The following LRRC7 variants were observed in gnomAD, a reference collection of about 807,000 sequenced individuals.
LRRC7 encodes leucine-rich repeat-containing protein 7.
LRRC7 carries 23 observed loss-of-function variants against 175.7 expected under a neutral mutation model. That is an observed-to-expected ratio of 0.13 (90% confidence interval 0.09 to 0.19). The LOEUF is 0.19. LRRC7 is among the 10% of genes least tolerant of loss of function. The pLI, the probability that LRRC7 is intolerant of heterozygous loss-of-function variation, is 1.00. For missense variants in LRRC7, 1,354 were observed against 1,904.7 expected (o/e 0.71, Z 5.38); for synonymous variants, 685 against 680.9 (o/e 1.01, Z -0.09).
At chr1:70,117,932 C>T (rs1337617617) in intron 26 of LRRC7, among the ~76,000 whole-genome samples, 1 of 152,016 alleles carries the variant, frequency 6.6e-6, no homozygotes, top group Non-Finnish European at 1.5e-5. Context: ...GCATAGTATG[C>T]ATGTATTTAC....
intron 3 of LRRC7, among the ~76,000 whole-genome samples, chr1:69,777,269 G>A (rs946504910): frequency 6.6e-6 from 1 of 152,184 alleles, no homozygotes; most frequent in African/African-American, 2.4e-5. Flanking sequence ...AGGGATGTCA[G>A]AGTGGAGTGT....
At chr1:70,072,234 A>G (rs757915294) in intron 23 of LRRC7, among the ~76,000 whole-genome samples, 7 of 152,212 alleles carry the variant, frequency 4.6e-5, no homozygotes, top group African/African-American at 7.2e-5. Context: ...CAAAATGTGT[A>G]GCACAGGCTT....
intron 2 of LRRC7, among the ~76,000 whole-genome samples, chr1:69,687,520 C>CAAAAAAAAAAAAAAAAAAA (rs551726376): frequency 1.1e-3 from 110 of 96,368 alleles, no homozygotes; most frequent in Middle Eastern, 0.016. Context: ...AAGAAAAAAC[C>CAAAAAAAAAAAAAAAAAAA]AAAAAAAAAA....
At chr1:70,020,804 A>T in intron 15 of LRRC7, 1 of 336,794 alleles carries the variant, frequency 3.0e-6, no homozygotes, top group Non-Finnish European at 5.2e-6. Flanking sequence ...AATTTGAGTT[A>T]AGATTACAAA....
rs1646397841 is a variant in LRRC7, at chr1:69,568,029, C to T, written c.-611C>T. Among the ~76,000 whole-genome samples the T allele has an allele frequency of 1.3e-5, 2 of 152,152 alleles. No individual in the cohort carries two copies. Among genetic ancestry groups the T allele is most frequent in the South Asian group, 2.1e-4 (1 of 4,834 alleles). On this transcript the variant is annotated 5_prime_UTR_variant, in exon 1 of 27. Transcript: ENST00000651989. ...ACCCAGCCCCAGTGCAGCGGGTTCT[C>T]GCCGGCGGGACCTGCAGCCGCCCAC...
rs541871155 is a variant in LRRC7 at position 69,601,063 on chromosome 1, G to A, written c.2+32422G>A. On this transcript the variant is annotated intron_variant, in intron 1 of 26. Coordinates refer to ENST00000651989, the MANE Select transcript of LRRC7 (RefSeq NM_001370785.2). ...ACTTCTGACCTCAGGTGATCCGCCT[G>A]CCTCAGCCTCCCAAAGTGCTGGGAT... Among the ~76,000 whole-genome samples, 4 of 152,118 alleles carry A rather than the reference G, an allele frequency of 2.6e-5. No individual in the cohort carries two copies. The East Asian group carries it at 7.7e-4, about 29-fold the overall frequency.
chr1:69,865,468 C>CCTTTT, intron 7 of LRRC7, among the ~76,000 whole-genome samples: 1 of 21,486 alleles, frequency 4.7e-5, no homozygotes, highest in African/African-American at 1.3e-4. Flanking sequence ...GAAGACAGTT[C>CCTTTT]CTTTTTTTTT....
rs528996283 is a variant in LRRC7, at chr1:70,126,538, C to G, written c.*4651C>G. Among the ~76,000 whole-genome samples the G allele has an allele frequency of 1.3e-5, 2 of 152,192 alleles. No homozygotes were observed. Among genetic ancestry groups the G allele is most frequent in the East Asian group, 3.9e-4 (2 of 5,170 alleles). ...GGTGATCACTTGCATGAACATTTTT[C>G]CTTAGCAATACAACCACCTTCTGTT... On this transcript the variant is annotated 3_prime_UTR_variant, in exon 27 of 27. Coordinates refer to ENST00000651989, the MANE Select transcript of LRRC7 (RefSeq NM_001370785.2).
chr1:69,792,084 T>A lies in LRRC7; in HGVS notation c.345T>A (p.Pro115=). The A allele has an allele frequency of 6.2e-7, 1 of 1,611,060 alleles. No homozygotes were observed. ...NCQALRKLSI[P]DNDLSNLPTT... ...AAGCTCTACGAAAACTAAGTATTCC[T>A]GATAACGACCTTTCAAATCTGCCAA... The change falls in exon 4 of 27, where the codon CCT becomes CCA. Residue 115 remains proline (P), a synonymous_variant. Coordinates refer to ENST00000651989, the MANE Select transcript of LRRC7 (RefSeq NM_001370785.2).
At chr1:69,758,735 C>T (rs1670709109) in intron 2 of LRRC7, among the ~76,000 whole-genome samples, 1 of 151,906 alleles carries the variant, frequency 6.6e-6, no homozygotes, top group African/African-American at 2.4e-5. Context: ...GTTTAGCTCC[C>T]ACTTATAAAT....
intron 18 of LRRC7, among the ~76,000 whole-genome samples, chr1:70,029,439 T>C (rs1658470806): frequency 6.6e-6 from 1 of 152,084 alleles, no homozygotes; most frequent in African/African-American, 2.4e-5. Context: ...TGTGCACATC[T>C]GCCAGCAGAG....
chr1:69,639,249 T>G (rs748939255), intron 1 of LRRC7, among the ~76,000 whole-genome samples: 14 of 151,766 alleles, frequency 9.2e-5, no homozygotes, highest in Non-Finnish European at 1.6e-4. Flanking sequence ...CAATGATCTG[T>G]TTCAGCCACA....
intron 8 of LRRC7, among the ~76,000 whole-genome samples, chr1:69,976,062 A>G (rs1652786829): frequency 6.6e-6 from 1 of 151,886 alleles, no homozygotes; most frequent in Non-Finnish European, 1.5e-5. Flanking sequence ...TATTGTGTCT[A>G]TTTATTTTCT....
chr1:70,038,360 A>G lies in LRRC7; in HGVS notation c.2536A>G (p.Arg846Gly). 6.2e-7 allele frequency: 1 copy of G among 1,614,148 alleles called. No individual in the cohort carries two copies. Among genetic ancestry groups the G allele is most frequent in the Non-Finnish European group, 8.5e-7 (1 of 1,180,020 alleles). The change falls in exon 21 of 27, where the codon AGG (arginine) becomes GGG (glycine). Residue 846 changes from arginine (R) to glycine (G), a missense_variant. Arg to Gly is a moderately radical substitution (Grantham distance 125). Around this residue, in one of 4 missense-constraint regions of LRRC7, gnomAD observed 1,032 missense variants for 1,227.2 expected, o/e 0.84. Transcript: ENST00000651989. ...KSRSTSSHGRRPLIRQDRIVG... is the reference protein window; with the variant it reads ...KSRSTSSHGRGPLIRQDRIVG... Reference sequence around the variant, plus strand: ...TAGAAGCACATCTTCGCATGGACGCAGGCCTTTGATCAGGCAAGACAGGAT... The same window carrying G: ...TAGAAGCACATCTTCGCATGGACGCGGGCCTTTGATCAGGCAAGACAGGAT...
At chr1:69,922,786 C>CT (rs1162257402) in intron 7 of LRRC7, among the ~76,000 whole-genome samples, 2 of 151,530 alleles carry the variant, frequency 1.3e-5, no homozygotes, top group South Asian at 4.2e-4. Context: ...AAATACTATT[C>CT]TTTTTTTTAA....
chr1:69,579,842 C>T (rs534801194), intron 1 of LRRC7, among the ~76,000 whole-genome samples: 52 of 150,332 alleles, frequency 3.5e-4, no homozygotes, highest in Non-Finnish European at 6.2e-4. Flanking sequence ...CCATGTTGCC[C>T]ATGCTGGTCT....
chr1:69,967,882 GC>G (rs764767070), intron 8 of LRRC7, among the ~76,000 whole-genome samples: 4 of 151,962 alleles, frequency 2.6e-5, no homozygotes, highest in Non-Finnish European at 5.9e-5. Flanking sequence ...TGGTAATATG[GC>G]AAAACAAGGT....
chr1:69,791,936 C>T (rs1354230879), intron 3 of LRRC7, 107 bp from the exon 4 acceptor site: 1 of 666,312 alleles, frequency 1.5e-6, no homozygotes, highest in African/African-American at 1.8e-5. Context: ...TTATAACTGG[C>T]TCTTTTACTA....
intron 1 of LRRC7, among the ~76,000 whole-genome samples, chr1:69,633,484 A>G (rs191597307): frequency 1.3e-5 from 2 of 152,056 alleles, no homozygotes; most frequent in African/African-American, 2.4e-5. Flanking sequence ...GCTGGAATGC[A>G]GTGGTGCGAT....
Sources: allele counts gnomAD v4.1 joint callset (sites outside exome capture counted in the v4.1 genomes callset), GRCh38; gene constraint gnomAD v4.1.1; regional missense constraint gnomAD v4.1.1; transcripts MANE v1.5; gene names NCBI Gene and HGNC (gene_info 2026-07-23, HGNC 2026-07-21).